Variants in NBEA observed in about 807,000 individuals in gnomAD.
The protein encoded by NBEA is lysosomal-trafficking regulator 2.
NBEA carries 44 observed loss-of-function variants against 343.4 expected under a neutral mutation model. That is an observed-to-expected ratio of 0.13 (90% CI 0.10 to 0.16). The LOEUF (loss-of-function observed/expected upper bound fraction) is 0.16, where lower values mean the gene tolerates loss of function less well. Among genes scored for constraint, NBEA ranks in the 10% least tolerant of loss-of-function variants. The pLI, the probability that NBEA is intolerant of heterozygous loss-of-function variation, is 1.00. For synonymous variants in NBEA, 1,175 were observed against 1,238.7 expected (o/e 0.95, Z 1.08); for missense variants, 2,555 against 3,631.3 (o/e 0.70, Z 7.62).
intron 46 of NBEA, among the ~76,000 whole-genome samples, chr13:35,586,073 C>T (rs1258570464): frequency 6.6e-6 from 1 of 152,062 alleles, no homozygotes; most frequent in East Asian, 1.9e-4. Flanking sequence ...ATAATTTTTC[C>T]CCTTATTAAG....
At chr13:35,173,006 C>A (rs1267037350) in intron 26 of NBEA, among the ~76,000 whole-genome samples, 2 of 152,094 alleles carry the variant, frequency 1.3e-5, no homozygotes, top group African/African-American at 4.8e-5. Context: ...CTTGAGTATA[C>A]TGATGTACTC....
intron 1 of NBEA, among the ~76,000 whole-genome samples, chr13:35,019,767 A>G (rs2061771363): frequency 2.0e-5 from 3 of 152,140 alleles, no homozygotes; most frequent in Non-Finnish European, 4.4e-5. Context: ...TGTCTTTTTA[A>G]TATAAGTTGT....
chr13:35,052,132 T>C (rs1593593201), intron 6 of NBEA, among the ~76,000 whole-genome samples: 1 of 152,044 alleles, frequency 6.6e-6, no homozygotes, highest in Admixed American at 6.6e-5. Flanking sequence ...CTCACAAACC[T>C]TGAAAAGTCA....
At chr13:35,610,438 G>T (rs1441143331) in intron 48 of NBEA, among the ~76,000 whole-genome samples, 10 of 151,936 alleles carry the variant, frequency 6.6e-5, no homozygotes, top group Admixed American at 6.6e-4. Flanking sequence ...AAGATAAATT[G>T]GCATTCAACA....
In NBEA at chr13:35,553,375, C is replaced by T. The variant is rs965594672; in HGVS notation, c.6807-1612C>T. On this transcript the variant is annotated intron_variant, in intron 43 of 58. Coordinates refer to ENST00000379939, the MANE Select transcript of NBEA (RefSeq NM_001385012.1). The stretch of plus-strand genomic sequence containing the variant: ...ATTCTTACAGACTCAGTTTTATGTA[C>T]TTCCCTAGATATACATCCTTAGAAG... 3.9e-5 allele frequency among the ~76,000 whole-genome samples: 6 copies of T among 152,152 alleles called. No individual in the cohort carries two copies. In the East Asian group the frequency reaches 1.2e-3, roughly 29 times the overall value.
At chr13:35,516,487 T>C (rs958082553) in intron 41 of NBEA, among the ~76,000 whole-genome samples, 1 of 152,202 alleles carries the variant, frequency 6.6e-6, no homozygotes, top group African/African-American at 2.4e-5. Flanking sequence ...ATTTTAGTTC[T>C]ATAAATGGGA....
At chr13:35,228,600 A>G (rs1327212492) in intron 33 of NBEA, among the ~76,000 whole-genome samples, 3 of 152,166 alleles carry the variant, frequency 2.0e-5, no homozygotes, top group Middle Eastern at 3.4e-3. Context: ...GTCCATGTGT[A>G]TACATCATTT....
chr13:35,500,616 A>G (rs1374889061), intron 41 of NBEA, among the ~76,000 whole-genome samples: 1 of 151,754 alleles, frequency 6.6e-6, no homozygotes, highest in African/African-American at 2.4e-5. Flanking sequence ...ACGACTGGGA[A>G]GACATGAAGT....
rs559889186 is a variant in NBEA, at chr13:35,054,835, G to A, written c.973-1175G>A. Among the ~76,000 whole-genome samples the A allele has an allele frequency of 7.3e-5, 11 of 151,692 alleles. No individual in the cohort carries two copies. In the South Asian group the frequency reaches 2.1e-3, roughly 29 times the overall value. On this transcript the variant is annotated intron_variant, in intron 6 of 58. Coordinates refer to ENST00000379939, the MANE Select transcript of NBEA (RefSeq NM_001385012.1). ...ATTTTTGTATTTTTAGTAGACACGG[G>A]GTTTCACCATGTTGGCCAGCCTGGT... is the stretch of plus-strand genomic sequence containing the variant.
chr13:35,322,181 C>T (rs1403026936), intron 36 of NBEA, among the ~76,000 whole-genome samples: 1 of 152,190 alleles, frequency 6.6e-6, no homozygotes, highest in African/African-American at 2.4e-5. Flanking sequence ...AGTGTCTGCC[C>T]AAACGGCTGT....
chr13:35,354,772 T>G (rs1339489212), intron 38 of NBEA, among the ~76,000 whole-genome samples: 1 of 152,178 alleles, frequency 6.6e-6, no homozygotes, highest in Non-Finnish European at 1.5e-5. Flanking sequence ...CTAGACAATT[T>G]TATCTAGTCC....
At chr13:35,428,085 G>T (rs2044827236) in intron 38 of NBEA, among the ~76,000 whole-genome samples, 1 of 152,114 alleles carries the variant, frequency 6.6e-6, no homozygotes, top group Non-Finnish European at 1.5e-5. Flanking sequence ...CACTTCCCAG[G>T]TGAGGCAATG....
chr13:35,074,304 A>C (rs1201561161), intron 10 of NBEA, among the ~76,000 whole-genome samples: 1 of 152,186 alleles, frequency 6.6e-6, no homozygotes, highest in Non-Finnish European at 1.5e-5. Context: ...TATTGAGTAC[A>C]TACATCTTAT....
chr13:35,454,258 A>C (rs778866023), intron 40 of NBEA, among the ~76,000 whole-genome samples: 1 of 152,222 alleles, frequency 6.6e-6, no homozygotes, highest in Admixed American at 6.5e-5. Flanking sequence ...TATTTTGTAA[A>C]TGCTGAAGCC....
At chr13:35,219,317 T>C (rs1167123831) in intron 33 of NBEA, among the ~76,000 whole-genome samples, 1 of 152,094 alleles carries the variant, frequency 6.6e-6, no homozygotes, top group Admixed American at 6.6e-5. Context: ...AAGAAACGGT[T>C]AAGTTGAAAG....
chr13:35,436,125 G>A (rs1483521724), intron 39 of NBEA, among the ~76,000 whole-genome samples: 1 of 151,726 alleles, frequency 6.6e-6, no homozygotes, highest in East Asian at 1.9e-4. Flanking sequence ...GAAAGATTTT[G>A]TATATACAAA....
chr13:35,329,422 A>G (rs2038787994), intron 36 of NBEA, among the ~76,000 whole-genome samples: 1 of 151,982 alleles, frequency 6.6e-6, no homozygotes, highest in South Asian at 2.1e-4. Context: ...CGTAATAGCC[A>G]AGGACTGAAA....
At chr13:35,529,225 AGAT>A (rs2078135325) in intron 41 of NBEA, among the ~76,000 whole-genome samples, 2 of 152,214 alleles carry the variant, frequency 1.3e-5, no homozygotes, top group African/African-American at 4.8e-5. Flanking sequence ...GGCAGTTATT[AGAT>A]GCTAACTTCA....
chr13:35,069,407 A>G (rs541207263), intron 8 of NBEA, among the ~76,000 whole-genome samples: 17 of 152,214 alleles, frequency 1.1e-4, no homozygotes, highest in African/African-American at 4.1e-4. Context: ...ATATTGTGAT[A>G]TTATTATTGA....
Sources: allele counts gnomAD v4.1 joint callset (sites outside exome capture counted in the v4.1 genomes callset), GRCh38; gene constraint gnomAD v4.1.1; transcripts MANE v1.5; gene names NCBI Gene and HGNC (gene_info 2026-07-23, HGNC 2026-07-21).